ATXN1: variants seen among roughly 807,000 people sequenced by gnomAD.
The protein encoded by ATXN1 is ataxin-1.
ATXN1 carries 8 observed loss-of-function variants against 56.4 expected under a neutral mutation model. That is an observed-to-expected ratio of 0.14 (90% CI 0.08 to 0.26). ATXN1 has a LOEUF of 0.26. ATXN1 is among the 10% of genes least tolerant of loss of function. The pLI, the probability that ATXN1 is intolerant of heterozygous loss-of-function variation, is 1.00. For missense variants in ATXN1, 987 were observed against 1,106.5 expected (o/e 0.89, Z 1.53); for synonymous variants, 514 against 494.6 (o/e 1.04, Z -0.52).
intron 6 of ATXN1, among the ~76,000 whole-genome samples, chr6:16,475,425 T>A (rs1298574674): frequency 1.3e-5 from 2 of 152,224 alleles, no homozygotes; most frequent in Non-Finnish European, 2.9e-5. Flanking sequence ...GTGAAATTTA[T>A]CATAACAGCA....
intron 5 of ATXN1, among the ~76,000 whole-genome samples, chr6:16,492,484 GTTGT>G (rs1471698555): frequency 4.7e-5 from 7 of 150,266 alleles, no homozygotes; most frequent in African/African-American, 9.8e-5. Flanking sequence ...ATAAATAGGT[GTTGT>G]TTAAGTCACT....
At chr6:16,591,500 T>A (rs1308205260) in intron 3 of ATXN1, among the ~76,000 whole-genome samples, 1 of 152,220 alleles carries the variant, frequency 6.6e-6, no homozygotes, top group African/African-American at 2.4e-5. Context: ...GGAATCTTAG[T>A]AATATAAGGC....
At chr6:16,425,219 T>TAGCTACTAAC (rs1451065440) in intron 6 of ATXN1, among the ~76,000 whole-genome samples, 15 of 152,248 alleles carry the variant, frequency 9.9e-5, no homozygotes, top group African/African-American at 3.4e-4. Flanking sequence ...GACCCCTCTG[T>TAGCTACTAAC]AGCTACTAAC....
chr6:16,724,153 C>T (rs1265728844), intron 2 of ATXN1, among the ~76,000 whole-genome samples: 3 of 152,144 alleles, frequency 2.0e-5, no homozygotes, highest in Admixed American at 6.5e-5. Flanking sequence ...TCTTAAACCC[C>T]GAGTGACTGG....
At position 16,460,136 on chromosome 6, in the gene ATXN1, C is replaced by T. The variant is rs778286455; in HGVS notation, c.-161+25836G>A. The stretch of plus-strand genomic sequence containing the variant: ...CACTCTATACTCTAATCAAGGAGAC[C>T]GAGAGGGCAAATATTCATCTAGTAG... On this transcript the variant is annotated intron_variant, in intron 6 of 7. Coordinates refer to ENST00000436367, the MANE Select transcript of ATXN1 (RefSeq NM_001128164.2). Among the ~76,000 whole-genome samples the T allele has an allele frequency of 7.2e-5, 11 of 152,088 alleles. No individual in the cohort carries two copies. The South Asian group carries it at 8.3e-4, about 11-fold the overall frequency.
intron 4 of ATXN1, among the ~76,000 whole-genome samples, chr6:16,537,334 G>A (rs957250293): frequency 1.3e-5 from 2 of 152,118 alleles, no homozygotes; most frequent in African/African-American, 2.4e-5. Flanking sequence ...TTCTGCCAAC[G>A]TGATGCCACC....
At chr6:16,436,040 G>A (rs1409428067) in intron 6 of ATXN1, among the ~76,000 whole-genome samples, 1 of 152,060 alleles carries the variant, frequency 6.6e-6, no homozygotes, top group African/African-American at 2.4e-5. Flanking sequence ...TGGGACTACA[G>A]GCGCCTGCCA....
chr6:16,732,208 G>A (rs991749294), intron 2 of ATXN1, among the ~76,000 whole-genome samples: 9 of 152,074 alleles, frequency 5.9e-5, no homozygotes, highest in African/African-American at 2.2e-4. Context: ...ATAGGCAGAC[G>A]CACATGGTCA....
intron 5 of ATXN1, among the ~76,000 whole-genome samples, chr6:16,500,756 A>C (rs923982704): frequency 1.3e-5 from 2 of 151,464 alleles, no homozygotes; most frequent in African/African-American, 2.4e-5. Context: ...AAAAAAAAAA[A>C]AAAACATTGA....
chr6:16,351,227 C>A (rs1048571543), intron 6 of ATXN1, among the ~76,000 whole-genome samples: 2 of 152,072 alleles, frequency 1.3e-5, no homozygotes, highest in Non-Finnish European at 2.9e-5. Context: ...ATTTCTTTTT[C>A]TTTTATAATT....
chr6:16,397,839 C>T (rs1489596616), intron 6 of ATXN1, among the ~76,000 whole-genome samples: 1 of 152,176 alleles, frequency 6.6e-6, no homozygotes, highest in Non-Finnish European at 1.5e-5. Context: ...AGAACAAAAA[C>T]GCCACTGGAT....
At chr6:16,597,171 A>G (rs1762830502) in intron 3 of ATXN1, among the ~76,000 whole-genome samples, 1 of 152,202 alleles carries the variant, frequency 6.6e-6, no homozygotes, top group Non-Finnish European at 1.5e-5. Context: ...TGGTGAGCAA[A>G]TTAGAGGTTA....
intron 4 of ATXN1, among the ~76,000 whole-genome samples, chr6:16,578,990 A>G (rs1409095952): frequency 6.6e-6 from 1 of 152,128 alleles, no homozygotes; most frequent in Non-Finnish European, 1.5e-5. Flanking sequence ...GGAATCTGCT[A>G]TTTCTGTCTC....
intron 5 of ATXN1, among the ~76,000 whole-genome samples, chr6:16,500,682 A>C (rs1481623475): frequency 6.7e-6 from 1 of 150,098 alleles, no homozygotes; most frequent in Non-Finnish European, 1.5e-5. Flanking sequence ...AGATGTAGTA[A>C]TTCTTTCCAA....
At chr6:16,361,100 C>T (rs1224586443) in intron 6 of ATXN1, among the ~76,000 whole-genome samples, 1 of 152,030 alleles carries the variant, frequency 6.6e-6, no homozygotes, top group Non-Finnish European at 1.5e-5. Flanking sequence ...ATGTCTGAGC[C>T]CCTATGGAGA....
At chr6:16,665,094 T>C (rs1758398133) in intron 2 of ATXN1, among the ~76,000 whole-genome samples, 1 of 152,222 alleles carries the variant, frequency 6.6e-6, no homozygotes, top group Non-Finnish European at 1.5e-5. Flanking sequence ...TTTTCTGTGA[T>C]ATGTTGTTTG....
intron 2 of ATXN1, among the ~76,000 whole-genome samples, chr6:16,731,204 C>CA (rs373847431): frequency 1.3e-3 from 193 of 146,126 alleles, no homozygotes; most frequent in African/African-American, 2.8e-3. Flanking sequence ...GCAGTTTGTG[C>CA]AAAAAAAAAA....
At chr6:16,511,908 G>A (rs941598960) in intron 5 of ATXN1, among the ~76,000 whole-genome samples, 2 of 152,196 alleles carry the variant, frequency 1.3e-5, no homozygotes, top group Non-Finnish European at 2.9e-5. Context: ...GGGTGTCTTT[G>A]CCACGAGGTG....
Position 16,306,210 on chromosome 6 carries a change from G to C in ATXN1, c.*119C>G. On this transcript the variant is annotated 3_prime_UTR_variant, in exon 8 of 8. Coordinates refer to ENST00000436367, the MANE Select transcript of ATXN1 (RefSeq NM_001128164.2). The surrounding 1 kb of genome is among the most constrained non-coding windows in gnomAD (Gnocchi z 5.2). ...TGCTGTAACTCTAATGACAAGGTTA[G>C]AACAGAAACCTAAAATTAAGAAGAT... The C allele has an allele frequency of 7.8e-7, 1 of 1,287,556 alleles. No individual in the cohort carries two copies. Among genetic ancestry groups the C allele is most frequent in the South Asian group, 1.4e-5 (1 of 69,076 alleles). The allele number at this position is 1,287,556 out of a possible 1,614,324, so 79.8% of individuals were successfully genotyped here.
Sources: gnomAD v4.1 joint callset for allele counts (sites outside exome capture counted in the v4.1 genomes callset) on GRCh38, gnomAD v4.1.1 for gene constraint, Gnocchi (gnomAD v3.1) non-coding constraint, MANE v1.5 for transcripts, NCBI Gene and HGNC (gene_info 2026-07-23, HGNC 2026-07-21) for gene names.